MGLL: variants seen among roughly 807,000 people sequenced by gnomAD.
MGLL encodes monoglyceride lipase, also known as lysophospholipase homolog.
In MGLL, 7 loss-of-function variants were observed where a neutral mutation model predicts 29.1. The ratio of observed to expected loss-of-function variants is 0.24; its 90% CI spans 0.14 to 0.45. The LOEUF is 0.45. Ranked by LOEUF, MGLL falls within the 20% of genes least tolerant of loss-of-function variation. The pLI is 0.99. For synonymous variants in MGLL, 148 were observed against 168.3 expected (o/e 0.88, Z 0.93); for missense variants, 356 against 413.6 (o/e 0.86, Z 1.21).
At chr3:127,785,633 G>A (rs549831030) in intron 2 of MGLL, among the ~76,000 whole-genome samples, 14 of 152,366 alleles carry the variant, frequency 9.2e-5, no homozygotes, top group African/African-American at 3.4e-4. Flanking sequence ...TGCGCAAGTC[G>A]CCTGATGGCC....
intron 2 of MGLL, among the ~76,000 whole-genome samples, chr3:127,797,918 T>C (rs568754604): frequency 3.9e-5 from 6 of 152,214 alleles, no homozygotes; most frequent in Admixed American, 1.3e-4. Context: ...CCACCGTACC[T>C]GGCCCAAAAT....
intron 3 of MGLL, chr3:127,735,952 G>A (rs12491505): frequency 0.013 from 19,406 of 1,472,176 alleles, 136 homozygotes; most frequent in Non-Finnish European, 0.016. Context: ...CTCTCTTAGA[G>A]TGCAAGCGTT....
intron 3 of MGLL, among the ~76,000 whole-genome samples, chr3:127,732,167 T>TA (rs1189461236): frequency 1.4e-4 from 21 of 152,242 alleles, no homozygotes; most frequent in Admixed American, 1.0e-3. Context: ...AAAAAGCTGA[T>TA]AAAAAATAGC....
chr3:127,703,624 T>C (rs918739348), intron 6 of MGLL, among the ~76,000 whole-genome samples: 1 of 152,122 alleles, frequency 6.6e-6, no homozygotes, highest in Admixed American at 6.6e-5. Context: ...ATCCACTTCA[T>C]GACATTGGAT....
At chr3:127,731,172 G>A (rs1005484605) in intron 3 of MGLL, among the ~76,000 whole-genome samples, 4 of 151,978 alleles carry the variant, frequency 2.6e-5, no homozygotes, top group Non-Finnish European at 5.9e-5. Context: ...TTTTTCTCCT[G>A]GTTTTATTTA....
At chr3:127,699,273 A>G (rs773043522) in intron 6 of MGLL, among the ~76,000 whole-genome samples, 3 of 152,154 alleles carry the variant, frequency 2.0e-5, no homozygotes, top group Non-Finnish European at 4.4e-5. Flanking sequence ...TACAGCTGCA[A>G]TCCTCAGCTG....
chr3:127,721,518 T>TTTG (rs1177125612), intron 4 of MGLL, among the ~76,000 whole-genome samples: 6 of 150,122 alleles, frequency 4.0e-5, no homozygotes, highest in Admixed American at 2.0e-4. Flanking sequence ...TTTTTTTTTT[T>TTTG]TTTTTTTTTT....
intron 2 of MGLL, among the ~76,000 whole-genome samples, chr3:127,819,419 T>A (rs1286403651): frequency 6.6e-6 from 1 of 152,186 alleles, no homozygotes; most frequent in Non-Finnish European, 1.5e-5. Flanking sequence ...CCCTAGGGTC[T>A]CTATGAGAAA....
rs537165089 is a variant in MGLL at position 127,730,424 on chromosome 3, G to A, written c.263-7858C>T. Among the ~76,000 whole-genome samples, 140 of 152,288 alleles carry A rather than the reference G, an allele frequency of 9.2e-4. 2 individuals are homozygous for A. The highest frequency in any genetic ancestry group is 1.9e-3 in the Non-Finnish European group (126 of 68,020). On this transcript the variant is annotated intron_variant, in intron 3 of 7. Transcript: ENST00000265052. Reference sequence around the variant, plus strand: ...GCCACATGCACACCCACCTGCCCACGGTTCCTGAAGCATACGCACACGTTC... The same window carrying A: ...GCCACATGCACACCCACCTGCCCACAGTTCCTGAAGCATACGCACACGTTC...
intron 2 of MGLL, among the ~76,000 whole-genome samples, chr3:127,819,178 G>A (rs779500814): frequency 6.6e-6 from 1 of 152,188 alleles, no homozygotes; most frequent in Non-Finnish European, 1.5e-5. Context: ...CCAGTGCAGC[G>A]GCTGACACCT....
At chr3:127,704,846 C>T (rs1476657265) in intron 6 of MGLL, among the ~76,000 whole-genome samples, 1 of 152,066 alleles carries the variant, frequency 6.6e-6, no homozygotes, top group African/African-American at 2.4e-5. Context: ...CCATTTGACC[C>T]AGCAATCCCT....
intron 2 of MGLL, among the ~76,000 whole-genome samples, chr3:127,786,174 T>G (rs933556303): frequency 2.6e-5 from 4 of 152,200 alleles, no homozygotes; most frequent in Non-Finnish European, 5.9e-5. Context: ...GGCAGCGACC[T>G]GATCTGACTT....
chr3:127,745,150 G>A (rs930092605), intron 3 of MGLL, among the ~76,000 whole-genome samples: 3 of 152,186 alleles, frequency 2.0e-5, no homozygotes, highest in African/African-American at 4.8e-5. Flanking sequence ...AGTGAAAGCC[G>A]CCATCGGGGC....
chr3:127,701,815 C>T (rs987113631), intron 6 of MGLL, among the ~76,000 whole-genome samples: 2 of 152,206 alleles, frequency 1.3e-5, no homozygotes, highest in Non-Finnish European at 2.9e-5. Flanking sequence ...CCGTTTCCAC[C>T]ATCCCCTTCC....
At chr3:127,696,823 G>A (rs1056731831) in intron 6 of MGLL, among the ~76,000 whole-genome samples, 1 of 152,068 alleles carries the variant, frequency 6.6e-6, no homozygotes, top group African/African-American at 2.4e-5. Flanking sequence ...ATGTGGGGAC[G>A]AGGAAGGAAC....
intron 2 of MGLL, among the ~76,000 whole-genome samples, chr3:127,796,043 A>C (rs1006750937): frequency 4.6e-5 from 7 of 152,282 alleles, no homozygotes; most frequent in Admixed American, 2.6e-4. Context: ...TAGCATCAAC[A>C]CTTTGCAGTG....
intron 3 of MGLL, among the ~76,000 whole-genome samples, chr3:127,737,921 G>A (rs1247666616): frequency 2.6e-5 from 4 of 152,156 alleles, no homozygotes; most frequent in South Asian, 2.1e-4. Flanking sequence ...ATGAGCCACC[G>A]CCCATCAACT....
At chr3:127,727,721 A>C (rs2076073137) in intron 3 of MGLL, among the ~76,000 whole-genome samples, 1 of 151,700 alleles carries the variant, frequency 6.6e-6, no homozygotes, top group African/African-American at 2.4e-5. Context: ...AAAAAAAAAA[A>C]AAAAAAAACA....
At chr3:127,746,868 G>A (rs2076455562) in intron 3 of MGLL, among the ~76,000 whole-genome samples, 1 of 152,016 alleles carries the variant, frequency 6.6e-6, no homozygotes, top group Non-Finnish European at 1.5e-5. Flanking sequence ...GGCCTGGGGA[G>A]GAGATAACCC....
Sources: gnomAD v4.1 joint callset for allele counts (sites outside exome capture counted in the v4.1 genomes callset) on GRCh38, gnomAD v4.1.1 for gene constraint, MANE v1.5 for transcripts, NCBI Gene and HGNC (gene_info 2026-07-23, HGNC 2026-07-21) for gene names.